ADAM9: variants seen among roughly 807,000 people sequenced by gnomAD.
The protein encoded by ADAM9 is ADAM metallopeptidase domain 9.
In ADAM9, 54 loss-of-function variants were observed where a neutral mutation model predicts 108.1. That is an observed-to-expected ratio of 0.50 (90% CI 0.40 to 0.63). The LOEUF is 0.63. Among genes scored for constraint, ADAM9 ranks in the 20% least tolerant of loss-of-function variants. The pLI, the probability that ADAM9 is intolerant of heterozygous loss-of-function variation, is 0.00. For missense variants in ADAM9, 830 were observed against 997.7 expected (o/e 0.83, Z 2.26); for synonymous variants, 316 against 336.0 (o/e 0.94, Z 0.65).
chr8:39,014,722 AT>A (rs1172083076), intron 4 of ADAM9: 2 of 535,602 alleles, frequency 3.7e-6, no homozygotes, highest in Non-Finnish European at 6.6e-6. Flanking sequence ...TTACATGTGT[AT>A]GTTTTATTTT....
chr8:39,045,303 CAT>C (rs764682692), intron 12 of ADAM9, among the ~76,000 whole-genome samples: 5 of 102,044 alleles, frequency 4.9e-5, no homozygotes, highest in Non-Finnish European at 8.2e-5. Flanking sequence ...TACACCTATA[CAT>C]GTGTGTGTAC....
intron 11 of ADAM9, among the ~76,000 whole-genome samples, chr8:39,028,155 A>G (rs1482056857): frequency 6.6e-6 from 1 of 152,036 alleles, no homozygotes; most frequent in Non-Finnish European, 1.5e-5. Context: ...GCCACTTCCC[A>G]CCTCCCTCAG....
intron 11 of ADAM9, among the ~76,000 whole-genome samples, chr8:39,039,984 T>C (rs866915186): frequency 6.6e-6 from 1 of 152,192 alleles, no homozygotes; most frequent in African/African-American, 2.4e-5. Flanking sequence ...CAATCTACAT[T>C]CCCACCAACA....
intron 11 of ADAM9, among the ~76,000 whole-genome samples, chr8:39,039,435 G>T (rs1350766058): frequency 6.6e-6 from 1 of 152,016 alleles, no homozygotes; most frequent in Admixed American, 6.6e-5. Flanking sequence ...ATCTCTTTTA[G>T]CAAAAATCTT....
At chr8:39,057,617 A>G (rs1460746613) in intron 14 of ADAM9, among the ~76,000 whole-genome samples, 1 of 152,038 alleles carries the variant, frequency 6.6e-6, no homozygotes, top group Non-Finnish European at 1.5e-5. Flanking sequence ...TGGAAGAGCT[A>G]GTGTTTCAGT....
In ADAM9 at chr8:39,044,663, C is replaced by T. The variant is rs79694426; in HGVS notation, c.1302+2546C>T. Among the ~76,000 whole-genome samples, 15 of 152,138 alleles carry T rather than the reference C, an allele frequency of 9.9e-5. No individual in the cohort carries two copies. In the East Asian group the frequency reaches 2.9e-3, roughly 29 times the overall value. On this transcript the variant is annotated intron_variant, in intron 12 of 21. Coordinates refer to ENST00000487273, the MANE Select transcript of ADAM9 (RefSeq NM_003816.3). ...TCTTTTGGAGTTACCCAGTGTCCATCACCTCCATCTTTATGTCCATGTGCG... is the reference window on the plus strand; with the variant it reads ...TCTTTTGGAGTTACCCAGTGTCCATTACCTCCATCTTTATGTCCATGTGCG...
At chr8:39,012,624 G>A (rs958534444) in intron 3 of ADAM9, among the ~76,000 whole-genome samples, 2 of 152,104 alleles carry the variant, frequency 1.3e-5, no homozygotes, top group Non-Finnish European at 2.9e-5. Context: ...CCATAAAAAA[G>A]GATGAGTTCA....
intron 11 of ADAM9, among the ~76,000 whole-genome samples, chr8:39,040,455 G>A (rs1837425165): frequency 6.6e-6 from 1 of 152,100 alleles, no homozygotes; most frequent in South Asian, 2.1e-4. Flanking sequence ...ATCTTTTCAT[G>A]CACCTGTTGG....
At chr8:39,037,214 C>T (rs1465956919) in intron 11 of ADAM9, among the ~76,000 whole-genome samples, 17 of 149,710 alleles carry the variant, frequency 1.1e-4, no homozygotes, top group Non-Finnish European at 1.9e-4. Flanking sequence ...CCCGCCACTG[C>T]GCCCGGCTAA....
chr8:39,037,179 C>T (rs951538235), intron 11 of ADAM9, among the ~76,000 whole-genome samples: 3 of 148,098 alleles, frequency 2.0e-5, no homozygotes, highest in Non-Finnish European at 1.5e-5. Flanking sequence ...GCCTCAGCCT[C>T]TCTGAGTAGC....
rs933590967 is a variant in ADAM9 at position 39,025,653 on chromosome 8, G to A, written c.915-150G>A. 6.0e-6 allele frequency: 4 copies of A among 672,026 alleles called. No homozygotes were observed. The African/African-American group carries it at 7.3e-5, about 12-fold the overall frequency. The allele number at this position is 672,026 out of a possible 1,614,324, so 41.6% of individuals were successfully genotyped here. On this transcript the variant is annotated intron_variant, in intron 9 of 21. Transcript: ENST00000487273. ...TTAATAAGAAGGAGATAAGGCATAA[G>A]TATATTCTGATTTTAGAATTTTTTT...
At chr8:39,068,472 C>T (rs572909955) in intron 14 of ADAM9, among the ~76,000 whole-genome samples, 14 of 151,556 alleles carry the variant, frequency 9.2e-5, no homozygotes, top group East Asian at 7.8e-4. Context: ...GTCAGGAGTT[C>T]GAGACCAGCC....
At chr8:39,020,014 A>C (rs982470585) in intron 7 of ADAM9, among the ~76,000 whole-genome samples, 2 of 152,236 alleles carry the variant, frequency 1.3e-5, no homozygotes, top group Non-Finnish European at 1.5e-5. Flanking sequence ...GGCTGGGCGC[A>C]GTGGCTCACG....
chr8:39,041,313 CAACT>C lies in ADAM9; in HGVS notation c.1131-628_1131-625del, dbSNP rs1049093262. On this transcript the variant is annotated intron_variant, in intron 11 of 21. Coordinates refer to ENST00000487273, the MANE Select transcript of ADAM9 (RefSeq NM_003816.3). ...CTCAAGTTGGACATTTCTTAAAGGC[CAACT>C]AACTTTCAAAGTACTAACCACGGTT... 2.8e-3 allele frequency among the ~76,000 whole-genome samples: 428 copies of C among 152,120 alleles called. 2 individuals carry two copies. The highest frequency in any genetic ancestry group is 9.8e-3 in the African/African-American group (408 of 41,510).
rs1837606214 is a variant in ADAM9, at chr8:39,045,073, TGTGTGTGTGCATACATAC to T, written c.1302+2957_1302+2974del. Among the ~76,000 whole-genome samples, 5 of 31,942 alleles carry T rather than the reference TGTGTGTGTGCATACATAC, an allele frequency of 1.6e-4. No homozygotes were observed. In the South Asian group the frequency reaches 2.5e-3, roughly 16 times the overall value. 21.0% of individuals were successfully genotyped at this position (31,942 alleles called of 152,430 possible). ...GTATGTGTGTGTGCATACATACATA[TGTGTGTGTGCATACATAC>T]ATATGTGTGTGTGCATACATACATA... On this transcript the variant is annotated intron_variant, in intron 12 of 21. Transcript: ENST00000487273.
At chr8:39,045,386 G>GTGCATA in intron 12 of ADAM9, among the ~76,000 whole-genome samples, 1 of 137,290 alleles carries the variant, frequency 7.3e-6, no homozygotes, top group Non-Finnish European at 1.6e-5. Flanking sequence ...ACACCTATAG[G>GTGCATA]TGTGTGTACA....
chr8:39,016,050 C>T, intron 4 of ADAM9, 68 bp from the exon 5 acceptor site: 2 of 1,447,084 alleles, frequency 1.4e-6, no homozygotes, highest in Non-Finnish European at 9.7e-7. Flanking sequence ...TTTGTTAGCT[C>T]TGCAATTTCT....
At chr8:39,018,700 A>G (rs1564246942) in intron 6 of ADAM9, 153 bp from the exon 7 acceptor site, 1 of 745,706 alleles carries the variant, frequency 1.3e-6, no homozygotes, top group South Asian at 1.6e-5. Context: ...TAACACTTCA[A>G]AAAACATATT....
At chr8:39,034,566 A>C in intron 11 of ADAM9, among the ~76,000 whole-genome samples, 1 of 152,118 alleles carries the variant, frequency 6.6e-6, no homozygotes, top group East Asian at 1.9e-4. Context: ...TGTTTTTAGT[A>C]GTAGTGTATC....
Sources: gnomAD v4.1 joint callset for allele counts (sites outside exome capture counted in the v4.1 genomes callset) on GRCh38, gnomAD v4.1.1 for gene constraint, MANE v1.5 for transcripts, NCBI Gene and HGNC (gene_info 2026-07-23, HGNC 2026-07-21) for gene names.